The following MICU1 variants were observed in gnomAD, a reference collection of about 807,000 sequenced individuals.
MICU1 encodes mitochondrial calcium uptake 1.
In MICU1, 45 loss-of-function variants were observed where a neutral mutation model predicts 56.8. That is an observed-to-expected ratio of 0.79 (90% CI 0.62 to 1.02). MICU1 has a LOEUF of 1.02. Ranked by LOEUF, MICU1 falls within the 50% of genes least tolerant of loss-of-function variation. MICU1 has a pLI of 0.00. For missense variants in MICU1, 504 were observed against 587.1 expected, an observed-to-expected ratio of 0.86 and a Z score of 1.46; for synonymous variants, 186 against 195.1, an observed-to-expected ratio of 0.95 and a Z score of 0.39.
At chr10:72,622,076 C>T (rs1157286515) in intron 1 of MICU1, among the ~76,000 whole-genome samples, 4 of 152,052 alleles carry the variant, frequency 2.6e-5, no homozygotes, top group East Asian at 1.9e-4. Context: ...CCACCACACT[C>T]GGCTAATTTT....
intron 10 of MICU1, among the ~76,000 whole-genome samples, chr10:72,377,949 T>G (rs909476032): frequency 1.3e-5 from 2 of 152,204 alleles, no homozygotes; most frequent in African/African-American, 2.4e-5. Flanking sequence ...CCAAATCTCA[T>G]GTCAAATTGT....
In MICU1 at chr10:72,386,220, C is replaced by T. The variant is rs558264127; in HGVS notation, c.1181-10348G>A. Among the ~76,000 whole-genome samples the T allele has an allele frequency of 1.1e-4, 17 of 152,142 alleles. No homozygotes were observed. The South Asian group carries it at 1.9e-3, about 17-fold the overall frequency. On this transcript the variant is annotated intron_variant, in intron 10 of 11. Transcript: ENST00000361114. ...GGAGGGGGACGGAGTCTCGCTCTGTCGCCCAGGCTGGAGTACAGTGGCGTG... is the reference window on the plus strand; with the variant it reads ...GGAGGGGGACGGAGTCTCGCTCTGTTGCCCAGGCTGGAGTACAGTGGCGTG...
At chr10:72,542,762 G>A (rs992990493) in intron 4 of MICU1, among the ~76,000 whole-genome samples, 4 of 152,306 alleles carry the variant, frequency 2.6e-5, no homozygotes, top group Admixed American at 6.5e-5. Context: ...GCCTTTTTTC[G>A]GTATCTGCAT....
intron 6 of MICU1, among the ~76,000 whole-genome samples, chr10:72,502,656 C>T (rs1867118164): frequency 6.6e-6 from 1 of 152,182 alleles, no homozygotes; most frequent in Non-Finnish European, 1.5e-5. Context: ...GTATTGGGTG[C>T]CCTCTCGCAG....
chr10:72,416,125 A>C (rs7917682), intron 9 of MICU1, among the ~76,000 whole-genome samples: 85,446 of 151,840 alleles, frequency 0.56, 24,939 homozygotes, highest in Non-Finnish European at 0.65. Flanking sequence ...AGGCTCTCTT[A>C]TCTGGAATGT....
intron 1 of MICU1, among the ~76,000 whole-genome samples, chr10:72,586,013 C>CTTTTTTTTTTTTT (rs71021511): frequency 2.4e-3 from 183 of 74,722 alleles, no homozygotes; most frequent in East Asian, 8.7e-3. Flanking sequence ...TTTTTTTTTT[C>CTTTTTTTTTTTTT]TTTTTTTTTT....
At chr10:72,408,523 G>A (rs1863704201) in intron 9 of MICU1, among the ~76,000 whole-genome samples, 1 of 152,042 alleles carries the variant, frequency 6.6e-6, no homozygotes, top group Admixed American at 6.6e-5. Context: ...TGGCCAGACT[G>A]GCCTTGAACT....
At chr10:72,594,503 C>T (rs534594818) in intron 1 of MICU1, among the ~76,000 whole-genome samples, 1 of 152,072 alleles carries the variant, frequency 6.6e-6, no homozygotes, top group African/African-American at 2.4e-5. Flanking sequence ...GCAATGATTT[C>T]TTTGGATATG....
In MICU1 at chr10:72,622,220, G is replaced by A. The variant is rs1160812332; in HGVS notation, c.-2+3790C>T. On this transcript the variant is annotated intron_variant, in intron 1 of 11. Coordinates refer to ENST00000361114, the MANE Select transcript of MICU1 (RefSeq NM_001195518.2). ...TTACAAGCGTGAGCCACCGCGCCCG[G>A]CCCCAAGTTCTCTTAATTAAAAAAA... 1.5e-4 allele frequency among the ~76,000 whole-genome samples: 23 copies of A among 148,440 alleles called. No individual in the cohort carries two copies. In the South Asian group the frequency reaches 3.2e-3, roughly 21 times the overall value.
intron 10 of MICU1, among the ~76,000 whole-genome samples, chr10:72,391,458 AAT>A (rs1214225507): frequency 6.6e-6 from 1 of 152,106 alleles, no homozygotes; most frequent in Non-Finnish European, 1.5e-5. Context: ...AAATAAATAA[AAT>A]AAAATTTAAG....
intron 10 of MICU1, among the ~76,000 whole-genome samples, chr10:72,405,436 G>C (rs1412453396): frequency 6.6e-6 from 1 of 151,934 alleles, no homozygotes; most frequent in African/African-American, 2.4e-5. Flanking sequence ...GGCCAGCCTG[G>C]TCTTGAACTC....
chr10:72,554,474 A>C (rs1840110886), intron 3 of MICU1, among the ~76,000 whole-genome samples: 1 of 152,238 alleles, frequency 6.6e-6, no homozygotes, highest in African/African-American at 2.4e-5. Context: ...AATTGCACTG[A>C]GAATAAGCAT....
At chr10:72,380,699 T>C (rs1208726050) in intron 10 of MICU1, among the ~76,000 whole-genome samples, 1 of 152,190 alleles carries the variant, frequency 6.6e-6, no homozygotes, top group Non-Finnish European at 1.5e-5. Context: ...CAATGCTAGA[T>C]GGTAACAGAG....
At chr10:72,505,499 G>C (rs1239170621) in intron 6 of MICU1, among the ~76,000 whole-genome samples, 1 of 152,098 alleles carries the variant, frequency 6.6e-6, no homozygotes, top group African/African-American at 2.4e-5. Flanking sequence ...CTACCAAAAA[G>C]ACACATGCAC....
chr10:72,560,772 AG>A (rs1278590507), intron 3 of MICU1, among the ~76,000 whole-genome samples: 1 of 152,224 alleles, frequency 6.6e-6, no homozygotes, highest in Non-Finnish European at 1.5e-5. Context: ...CAGGAGGCTG[AG>A]GCATGAGAAT....
intron 11 of MICU1, 146 bp from the exon 12 acceptor site, chr10:72,368,501 G>T: frequency 1.1e-6 from 1 of 899,896 alleles, no homozygotes; most frequent in Non-Finnish European, 1.7e-6. Context: ...GAATTCATTA[G>T]TTTATTCCTT....
In MICU1 at chr10:72,425,210, C is replaced by T. The variant is rs185639901; in HGVS notation, c.934-1839G>A. 9.1e-4 allele frequency among the ~76,000 whole-genome samples: 139 copies of T among 152,278 alleles called. 1 individual carries two copies. The highest frequency in any genetic ancestry group is 1.3e-3 in the Non-Finnish European group (91 of 68,028). On this transcript the variant is annotated intron_variant, in intron 8 of 11. Coordinates refer to ENST00000361114, the MANE Select transcript of MICU1 (RefSeq NM_001195518.2). ...GGCTGTGCTCCCTGCTCTCCAGGGC[C>T]GACTTTAATGATTTAAAGTGTTCAT... is the stretch of plus-strand genomic sequence containing the variant.
At chr10:72,404,279 C>T (rs1415585787) in intron 10 of MICU1, among the ~76,000 whole-genome samples, 1 of 152,170 alleles carries the variant, frequency 6.6e-6, no homozygotes, top group Non-Finnish European at 1.5e-5. Flanking sequence ...CCACCACGCC[C>T]AGACTAAAGC....
intron 1 of MICU1, among the ~76,000 whole-genome samples, chr10:72,577,906 G>A (rs1451451182): frequency 1.3e-5 from 2 of 152,104 alleles, no homozygotes; most frequent in Non-Finnish European, 2.9e-5. Flanking sequence ...TGAAGATGCT[G>A]TGAACATTGC....
Sources: gnomAD v4.1 joint callset for allele counts (sites outside exome capture counted in the v4.1 genomes callset) on GRCh38, gnomAD v4.1.1 for gene constraint, MANE v1.5 for transcripts, NCBI Gene and HGNC (gene_info 2026-07-23, HGNC 2026-07-21) for gene names.